The following ASPH variants were observed in gnomAD, a reference collection of about 807,000 sequenced individuals.
ASPH encodes aspartyl/asparaginyl beta-hydroxylase.
Under a neutral mutation model 118.4 loss-of-function variants are expected in ASPH, and 100 were observed. The observed-to-expected ratio is 0.84, with a 90% CI of 0.72 to 1.00. ASPH has a LOEUF of 1.00. Among genes scored for constraint, ASPH ranks in the 50% least tolerant of loss-of-function variants. ASPH has a pLI of 0.00. For synonymous variants in ASPH, 315 were observed against 325.6 expected (o/e 0.97, Z 0.35); for missense variants, 920 against 919.5 (o/e 1.00, Z -0.01).
At chr8:61,552,607 T>A (rs1243879361) in intron 20 of ASPH, among the ~76,000 whole-genome samples, 2 of 152,180 alleles carry the variant, frequency 1.3e-5, no homozygotes, top group African/African-American at 4.8e-5. Context: ...CAAAAATGAA[T>A]CTAGTCAAAC....
At chr8:61,564,653 C>T (rs140028454) in intron 17 of ASPH, among the ~76,000 whole-genome samples, 7 of 152,182 alleles carry the variant, frequency 4.6e-5, no homozygotes, top group Admixed American at 1.3e-4. Flanking sequence ...TCTGGAGTCC[C>T]GGCCCTGCCT....
rs774844249 is a variant in ASPH, at chr8:61,638,378, A to AC, written c.791-16dup. 6 of 1,538,992 alleles carry AC rather than the reference A, an allele frequency of 3.9e-6. No homozygotes were observed. Among genetic ancestry groups the AC allele is most frequent in the Non-Finnish European group, 4.4e-6 (5 of 1,129,098 alleles). On this transcript the variant is annotated splice_polypyrimidine_tract_variant and intron_variant, in intron 10 of 24. Transcript: ENST00000379454. ...TTCATATACTGCTAAAAAAAAAAAAACAGAAACAAAATCCCGTAACTTTCA... is the reference window on the plus strand; with the variant it reads ...TTCATATACTGCTAAAAAAAAAAAAACCAGAAACAAAATCCCGTAACTTTCA...
At chr8:61,537,521 C>T (rs966960360) in intron 21 of ASPH, among the ~76,000 whole-genome samples, 2 of 152,122 alleles carry the variant, frequency 1.3e-5, no homozygotes, top group Non-Finnish European at 2.9e-5. Context: ...AGGTGCACAC[C>T]ACCATGCCTG....
rs188674757 is a variant in ASPH, at chr8:61,592,383, A to T, written c.977-8354T>A. Among the ~76,000 whole-genome samples the T allele has an allele frequency of 4.6e-3, 700 of 152,370 alleles. 1 individual carries two copies. Among genetic ancestry groups the T allele is most frequent in the Middle Eastern group, 0.041 (12 of 294 alleles). ...CTCTATGATCAGACATTTCCCTGGC[A>T]GAGATTTTGGGCAACTAATAACTTT... On this transcript the variant is annotated intron_variant, in intron 14 of 24. Coordinates refer to ENST00000379454, the MANE Select transcript of ASPH (RefSeq NM_004318.4).
intron 13 of ASPH, chr8:61,624,589 T>C: frequency 1.0e-6 from 1 of 984,456 alleles, no homozygotes; most frequent in African/African-American, 1.7e-5. Context: ...GACATTTACA[T>C]TATTTTTAGA....
At chr8:61,634,221 A>C (rs369992986) in intron 12 of ASPH, among the ~76,000 whole-genome samples, 21 of 152,332 alleles carry the variant, frequency 1.4e-4, no homozygotes, top group African/African-American at 4.8e-4. Flanking sequence ...GCTTCAACCC[A>C]GTTACAATTA....
rs151157591 is a variant in ASPH, at chr8:61,634,695, CTGTT to C, written c.890-972_890-969del. On this transcript the variant is annotated intron_variant, in intron 12 of 24. Transcript: ENST00000379454. ...TGTGACTGGCTTTTAATAGGTTTGC[CTGTT>C]TATTTTGTTCTTAATTATTTGGAGA... Among the ~76,000 whole-genome samples, 846 of 152,146 alleles carry C rather than the reference CTGTT, an allele frequency of 5.6e-3. 7 individuals carry two copies. Among genetic ancestry groups the C allele is most frequent in the African/African-American group, 0.019 (807 of 41,512 alleles).
chr8:61,676,907 T>C (rs532001102), intron 3 of ASPH, among the ~76,000 whole-genome samples: 4 of 151,914 alleles, frequency 2.6e-5, no homozygotes, highest in South Asian at 4.2e-4. Context: ...ATAGCATCCA[T>C]AGGTGGGCAA....
intron 1 of ASPH, among the ~76,000 whole-genome samples, chr8:61,688,878 G>C (rs550349301): frequency 6.6e-6 from 1 of 152,276 alleles, no homozygotes; most frequent in East Asian, 1.9e-4. Context: ...TATCAGACGA[G>C]TCAAGTGACC....
intron 21 of ASPH, among the ~76,000 whole-genome samples, chr8:61,533,734 T>A (rs1036165307): frequency 2.0e-5 from 3 of 152,254 alleles, no homozygotes; most frequent in Admixed American, 6.5e-5. Context: ...TTTGGAAGCT[T>A]CTCTGTAATT....
intron 14 of ASPH, among the ~76,000 whole-genome samples, chr8:61,613,119 T>G (rs1847975461): frequency 6.6e-6 from 1 of 152,258 alleles, no homozygotes; most frequent in South Asian, 2.1e-4. Flanking sequence ...TAAGCCATGG[T>G]ACCCAGATAT....
intron 15 of ASPH, chr8:61,578,692 A>G (rs1164245976): frequency 1.2e-6 from 2 of 1,606,770 alleles, no homozygotes; most frequent in Non-Finnish European, 1.7e-6. Context: ...GGCCAGGAGA[A>G]GCTGAAGCTG....
intron 1 of ASPH, among the ~76,000 whole-genome samples, chr8:61,708,145 C>G (rs1837173828): frequency 1.3e-5 from 2 of 152,138 alleles, no homozygotes; most frequent in African/African-American, 4.8e-5. Flanking sequence ...CATGGGCATC[C>G]ACTGCATTAC....
chr8:61,558,054 G>C (rs1828497601), intron 18 of ASPH, among the ~76,000 whole-genome samples: 1 of 152,212 alleles, frequency 6.6e-6, no homozygotes, highest in Non-Finnish European at 1.5e-5. Flanking sequence ...CCTGGGCATA[G>C]AAAGATAAAT....
chr8:61,662,783 C>T (rs763799293), intron 3 of ASPH: 35 of 922,032 alleles, frequency 3.8e-5, no homozygotes, highest in Middle Eastern at 5.6e-4. Context: ...AATTCTTGAG[C>T]TAACAGTCAA....
At chr8:61,663,317 T>G (rs1817878620) in intron 3 of ASPH, 1 of 985,262 alleles carries the variant, frequency 1.0e-6, no homozygotes, top group Non-Finnish European at 1.2e-6. Flanking sequence ...CATCCTCAAC[T>G]ACAAAAATGG....
chr8:61,550,280 T>C (rs1041686043), intron 20 of ASPH, among the ~76,000 whole-genome samples: 3 of 152,108 alleles, frequency 2.0e-5, no homozygotes, highest in African/African-American at 7.2e-5. Context: ...TTTTCCTGTC[T>C]AATCAGCAAT....
At chr8:61,689,825 AC>A in intron 1 of ASPH, 2 of 1,438,262 alleles carry the variant, frequency 1.4e-6, no homozygotes, top group Non-Finnish European at 1.8e-6. Context: ...CAATCCCTGC[AC>A]TGTAAGGGCC....
At chr8:61,555,606 T>A (rs935811320) in intron 19 of ASPH, among the ~76,000 whole-genome samples, 1 of 152,250 alleles carries the variant, frequency 6.6e-6, no homozygotes, top group South Asian at 2.1e-4. Context: ...TGTCTTTATT[T>A]AAAAATATTT....
Sources: allele counts gnomAD v4.1 joint callset (sites outside exome capture counted in the v4.1 genomes callset), GRCh38; gene constraint gnomAD v4.1.1; transcripts MANE v1.5; gene names NCBI Gene and HGNC (gene_info 2026-07-23, HGNC 2026-07-21).